The following KIF27 variants were observed in gnomAD, a reference collection of about 807,000 sequenced individuals.
KIF27 encodes kinesin family member 27, also known as kinesin-like protein KIF27.
A neutral mutation model predicts 141.8 loss-of-function variants in KIF27; 84 were observed. That is an observed-to-expected ratio of 0.59 (90% CI 0.50 to 0.71). KIF27 has a LOEUF of 0.71. Among genes scored for constraint, KIF27 ranks in the 30% least tolerant of loss-of-function variants. The pLI is 0.00. For missense variants in KIF27, 1,306 were observed against 1,628.4 expected (o/e 0.80, Z 3.41); for synonymous variants, 471 against 569.5 (o/e 0.83, Z 2.46).
In KIF27 at chr9:83,852,121, G is replaced by GA. The variant is rs199580739; in HGVS notation, c.3357+1507dup. 8.0e-3 allele frequency among the ~76,000 whole-genome samples: 1,161 copies of GA among 144,700 alleles called. 30 individuals are homozygous for GA. Among genetic ancestry groups the GA allele is most frequent in the East Asian group, 0.037 (183 of 4,892 alleles). 94.9% of individuals were successfully genotyped at this position (144,700 alleles called of 152,430 possible). On this transcript the variant is annotated intron_variant, in intron 15 of 17. Coordinates refer to ENST00000297814, the MANE Select transcript of KIF27 (RefSeq NM_017576.4). ...CAACAGAGTGAGAGTCCATCTCAGG[G>GA]AAAAAAAAAATAAAAGAACAGCATA...
At chr9:83,914,543 A>G (rs1167602519) in intron 2 of KIF27, among the ~76,000 whole-genome samples, 2 of 152,134 alleles carry the variant, frequency 1.3e-5, no homozygotes, top group Non-Finnish European at 2.9e-5. Flanking sequence ...AGTTTCTGAA[A>G]GCCATATATT....
rs1351940044 is a variant in KIF27, at chr9:83,903,780, T to C, written c.738A>G (p.Ala246=). 2.5e-6 allele frequency: 4 copies of C among 1,614,246 alleles called. No individual in the cohort carries two copies. The highest frequency in any genetic ancestry group is 3.4e-6 in the Non-Finnish European group (4 of 1,180,040). ...IVSKFHFVDL[A]GSERVTKTGN... ...CCGTTTTGGTTACTCTTTCTGATCCTGCCAAATCCACAAAGTGGAACTTTG... is the reference window on the plus strand; with the variant it reads ...CCGTTTTGGTTACTCTTTCTGATCCCGCCAAATCCACAAAGTGGAACTTTG... The change falls in exon 4 of 18, where the codon GCA becomes GCG. Residue 246 remains alanine, a synonymous_variant. Coordinates refer to ENST00000297814, the MANE Select transcript of KIF27 (RefSeq NM_017576.4).
In KIF27 at chr9:83,910,091, GTACT is replaced by G. The variant is rs988394020; in HGVS notation, c.299-1443_299-1440del. ...CATACATACATACATACATACGTAC[GTACT>G]TACATACATAATCTTTCCCAATTCA... On this transcript the variant is annotated intron_variant, in intron 2 of 17. Coordinates refer to ENST00000297814, the MANE Select transcript of KIF27 (RefSeq NM_017576.4). Among the ~76,000 whole-genome samples the G allele has an allele frequency of 2.1e-4, 32 of 151,334 alleles. No homozygotes were observed. The South Asian group carries it at 2.9e-3, about 14-fold the overall frequency.
At chr9:83,864,785 TC>T (rs1385599860) in intron 13 of KIF27, among the ~76,000 whole-genome samples, 1 of 152,334 alleles carries the variant, frequency 6.6e-6, no homozygotes, top group East Asian at 1.9e-4. Context: ...GTTAAAAGTC[TC>T]CCATTATTAT....
chr9:83,912,201 A>G (rs1427342427), intron 2 of KIF27, among the ~76,000 whole-genome samples: 3 of 152,246 alleles, frequency 2.0e-5, no homozygotes, highest in Non-Finnish European at 4.4e-5. Context: ...TGTTCCATGG[A>G]AAATGTATTC....
chr9:83,855,234 C>A (rs181559807), intron 14 of KIF27: 1 of 152,238 alleles, frequency 6.6e-6, no homozygotes, highest in Non-Finnish European at 1.5e-5. Flanking sequence ...GGGGTTTTGC[C>A]ACATTGGCCA....
At chr9:83,918,448 G>GA (rs1444239724) in intron 1 of KIF27, among the ~76,000 whole-genome samples, 24 of 152,092 alleles carry the variant, frequency 1.6e-4, no homozygotes, top group Admixed American at 3.3e-4. Flanking sequence ...CTGAATGGGA[G>GA]AAAATATTTG....
intron 15 of KIF27, among the ~76,000 whole-genome samples, chr9:83,850,841 T>C (rs1025902574): frequency 1.3e-4 from 15 of 118,110 alleles, no homozygotes; most frequent in Non-Finnish European, 1.5e-4. Context: ...TTTTTTTTTT[T>C]TTTTTTTTTT....
At chr9:83,913,682 C>T (rs904561702) in intron 2 of KIF27, among the ~76,000 whole-genome samples, 5 of 152,206 alleles carry the variant, frequency 3.3e-5, no homozygotes, top group Non-Finnish European at 2.9e-5. Context: ...AGTGATCTGC[C>T]TGCCTCGGCC....
chr9:83,865,681 A>T (rs1950300172), intron 13 of KIF27, among the ~76,000 whole-genome samples: 2 of 152,078 alleles, frequency 1.3e-5, no homozygotes, highest in Admixed American at 6.5e-5. Context: ...CTTTTACCAC[A>T]TTGAGGATAT....
At chr9:83,911,607 G>C (rs1458753947) in intron 2 of KIF27, among the ~76,000 whole-genome samples, 1 of 150,896 alleles carries the variant, frequency 6.6e-6, no homozygotes, top group Non-Finnish European at 1.5e-5. Flanking sequence ...GCAGTGGCAC[G>C]ATCTCAGCTC....
Position 83,903,293 on chromosome 9 carries a change from GACA to G in KIF27, c.1222_1224del (p.Cys408del). The G allele has an allele frequency of 6.2e-7, 1 of 1,614,192 alleles. No individual in the cohort carries two copies. The highest frequency in any genetic ancestry group is 8.5e-7 in the Non-Finnish European group (1 of 1,180,014). On this transcript the variant is annotated inframe_deletion, in exon 4 of 18. Transcript: ENST00000297814. ...TCTTCTACACAACACTGGTAACCCA[GACA>G]TTCTCCTTGAAGCTGAGCTACTTGC... is the stretch of plus-strand genomic sequence containing the variant.
rs372426841 is a variant in KIF27, at chr9:83,903,778, C to A, written c.740G>T (p.Gly247Val). ...CCCCGTTTTGGTTACTCTTTCTGAT[C>A]CTGCCAAATCCACAAAGTGGAACTT... The part of the protein sequence containing the change: ...VSKFHFVDLA[G>V]SERVTKTGNT... Residue 247 changes from glycine (G) to valine (V), a missense_variant, in exon 4 of 18, where the codon GGA (glycine) becomes GTA (valine). Physicochemically the swap from Gly to Val is moderately radical, Grantham distance 109 (BLOSUM62 -3). Around this residue, in one of 4 missense-constraint regions of KIF27, gnomAD observed 533 missense variants for 565.6 expected, o/e 0.94. Transcript: ENST00000297814. 1 of 1,614,066 alleles carries A rather than the reference C, an allele frequency of 6.2e-7. No homozygotes were observed. Among genetic ancestry groups the A allele is most frequent in the African/African-American group, 1.3e-5 (1 of 74,914 alleles).
rs1204957251 is a variant in KIF27, at chr9:83,880,270, C to T, written c.2643+27G>A. ...GAGCCGTTTAACATTTCATATTATA[C>T]TTAGCAGGAATGTATGACAATATTA... On this transcript the variant is annotated intron_variant, in intron 11 of 17. Coordinates refer to ENST00000297814, the MANE Select transcript of KIF27 (RefSeq NM_017576.4). 10 of 1,613,322 alleles carry T rather than the reference C, an allele frequency of 6.2e-6. No individual in the cohort carries two copies. In the Admixed American group the frequency reaches 1.2e-4, roughly 19 times the overall value.
chr9:83,877,426 C>G (rs1342478884), intron 11 of KIF27, among the ~76,000 whole-genome samples: 1 of 152,140 alleles, frequency 6.6e-6, no homozygotes, highest in Non-Finnish European at 1.5e-5. Context: ...ACAGTCTCTT[C>G]AACAGATGGT....
chr9:83,910,246 C>A (rs760330567), intron 2 of KIF27, among the ~76,000 whole-genome samples: 2 of 151,780 alleles, frequency 1.3e-5, no homozygotes, highest in African/African-American at 4.8e-5. Flanking sequence ...GTGGGAGCCA[C>A]GTTATAAAAA....
At chr9:83,873,369 A>G (rs1950950993) in intron 11 of KIF27, among the ~76,000 whole-genome samples, 1 of 152,202 alleles carries the variant, frequency 6.6e-6, no homozygotes, top group Non-Finnish European at 1.5e-5. Flanking sequence ...AGAGGAGGCT[A>G]AGAGACTGAG....
chr9:83,850,451 C>CA (rs1490663214), intron 15 of KIF27, among the ~76,000 whole-genome samples, 154 bp from the exon 16 acceptor site: 5 of 152,184 alleles, frequency 3.3e-5, no homozygotes, highest in African/African-American at 1.2e-4. Flanking sequence ...TGCTTTGTAA[C>CA]ATATTCACAA....
At chr9:83,893,643 C>T (rs1416461616) in intron 5 of KIF27, among the ~76,000 whole-genome samples, 2 of 151,534 alleles carry the variant, frequency 1.3e-5, no homozygotes, top group Non-Finnish European at 2.9e-5. Flanking sequence ...TCTTGACTTG[C>T]ACTCACAAAG....
Sources: allele counts gnomAD v4.1 joint callset (sites outside exome capture counted in the v4.1 genomes callset), GRCh38; gene constraint gnomAD v4.1.1; regional missense constraint gnomAD v4.1.1; transcripts MANE v1.5; gene names NCBI Gene and HGNC (gene_info 2026-07-23, HGNC 2026-07-21).